Variants in ADCY8 observed in about 807,000 individuals in gnomAD.
ADCY8 encodes adenylate cyclase type 8.
ADCY8 carries 51 observed loss-of-function variants against 119.7 expected under a neutral mutation model. That is an observed-to-expected ratio of 0.43 (90% confidence interval 0.34 to 0.54). The LOEUF (loss-of-function observed/expected upper bound fraction) is 0.54. ADCY8 is among the 20% of genes least tolerant of loss of function. The pLI is 0.03. For missense variants in ADCY8, 1,383 were observed against 1,598.8 expected (o/e 0.87, Z 2.30); for synonymous variants, 665 against 651.0 (o/e 1.02, Z -0.33).
chr8:130,878,434 A>G (rs1818645495), intron 8 of ADCY8, among the ~76,000 whole-genome samples: 1 of 152,218 alleles, frequency 6.6e-6, no homozygotes, highest in Admixed American at 6.5e-5. Context: ...TCTTGGAGAC[A>G]TCTCCTCTAG....
At chr8:130,840,851 A>G (rs1029271065) in intron 11 of ADCY8, among the ~76,000 whole-genome samples, 1 of 152,178 alleles carries the variant, frequency 6.6e-6, no homozygotes, top group Admixed American at 6.6e-5. Flanking sequence ...GGTAGTGAGC[A>G]AAGTTCCCAG....
At chr8:130,976,548 T>C (rs1164650605) in intron 2 of ADCY8, among the ~76,000 whole-genome samples, 1 of 152,216 alleles carries the variant, frequency 6.6e-6, no homozygotes, top group Non-Finnish European at 1.5e-5. Context: ...AGCGAATTCT[T>C]AGTTTCTAAT....
At chr8:130,993,990 A>G (rs1006797986) in intron 1 of ADCY8, among the ~76,000 whole-genome samples, 5 of 152,226 alleles carry the variant, frequency 3.3e-5, no homozygotes, top group African/African-American at 1.2e-4. Flanking sequence ...ATGCTTCAGG[A>G]TCTTGATCCT....
chr8:130,803,520 A>G (rs1586428839), intron 14 of ADCY8, among the ~76,000 whole-genome samples: 1 of 152,238 alleles, frequency 6.6e-6, no homozygotes, highest in Non-Finnish European at 1.5e-5. Flanking sequence ...AGTCTGGTCC[A>G]AGGTAAATAC....
Position 131,040,247 on chromosome 8 carries a change from G to C in ADCY8, c.87C>G (p.Ser29Arg), listed in dbSNP as rs550028353. The C allele has an allele frequency of 1.3e-4, 201 of 1,549,072 alleles. No individual in the cohort carries two copies. In the African/African-American group the frequency reaches 1.4e-3, roughly 11 times the overall value. Residue 29 changes from serine to arginine, a missense_variant, in exon 1 of 18, where the codon AGC becomes AGG. Ser to Arg is a moderately radical substitution (Grantham distance 110). Around this residue, in one of 2 missense-constraint regions of ADCY8, gnomAD observed 455 missense variants for 435.3 expected, o/e 1.05. Coordinates refer to ENST00000286355, the MANE Select transcript of ADCY8 (RefSeq NM_001115.3). Reference sequence around the variant, plus strand: ...ACAGCAGCCGCTGCGGCCGGGAGGCGCTCCTGCCGTCGCCGGCCGGGGGCG... The same window carrying C: ...ACAGCAGCCGCTGCGGCCGGGAGGCCCTCCTGCCGTCGCCGGCCGGGGGCG... The part of the protein sequence containing the change: ...HPTPPAGDGR[S>R]ASRPQRLLWQ...
intron 16 of ADCY8, among the ~76,000 whole-genome samples, chr8:130,784,954 A>G (rs570400562): frequency 6.6e-6 from 1 of 152,332 alleles, no homozygotes; most frequent in South Asian, 2.1e-4. Context: ...GAAGGTAGAC[A>G]GTGTTGCCAT....
chr8:130,850,791 A>G (rs1244357323), intron 9 of ADCY8, among the ~76,000 whole-genome samples: 2 of 152,226 alleles, frequency 1.3e-5, no homozygotes, highest in Non-Finnish European at 2.9e-5. Flanking sequence ...TCCTAACACC[A>G]TCTCTTACTA....
chr8:130,941,204 G>A (rs1410466511), intron 4 of ADCY8, among the ~76,000 whole-genome samples: 1 of 152,122 alleles, frequency 6.6e-6, no homozygotes, highest in East Asian at 1.9e-4. Flanking sequence ...AAGTTCCCTA[G>A]GATGGCCTCT....
At chr8:130,938,323 A>G (rs1179406336) in intron 4 of ADCY8, among the ~76,000 whole-genome samples, 1 of 152,102 alleles carries the variant, frequency 6.6e-6, no homozygotes, top group African/African-American at 2.4e-5. Context: ...GCACTCAATT[A>G]ATATTGCCTC....
intron 2 of ADCY8, among the ~76,000 whole-genome samples, chr8:130,987,314 C>A (rs1313423371): frequency 6.6e-6 from 1 of 152,114 alleles, no homozygotes. Flanking sequence ...ACACTATTGC[C>A]ATACATGTCT....
intron 11 of ADCY8, among the ~76,000 whole-genome samples, chr8:130,841,673 C>T (rs1448475046): frequency 1.3e-5 from 2 of 152,178 alleles, no homozygotes; most frequent in African/African-American, 2.4e-5. Context: ...TGAGCATCTA[C>T]CCACATAAGT....
At chr8:130,853,605 C>A (rs902035077) in intron 9 of ADCY8, among the ~76,000 whole-genome samples, 6 of 147,150 alleles carry the variant, frequency 4.1e-5, no homozygotes, top group African/African-American at 1.5e-4. Flanking sequence ...TCTCATTTAG[C>A]GATTGAACTT....
intron 8 of ADCY8, among the ~76,000 whole-genome samples, chr8:130,874,351 AAAT>A (rs1412835907): frequency 2.7e-5 from 4 of 147,482 alleles, no homozygotes; most frequent in African/African-American, 1.1e-4. Flanking sequence ...ATAAATAAAT[AAAT>A]AAAATACACC....
chr8:130,909,768 A>G lies in ADCY8; in HGVS notation c.1580T>C (p.Phe527Ser). 2 of 1,614,116 alleles carry G rather than the reference A, an allele frequency of 1.2e-6. No individual in the cohort carries two copies. The highest frequency in any genetic ancestry group is 2.2e-5 in the East Asian group (1 of 44,874). The part of the protein sequence containing the change: ...CGVLGLRKWQ[F>S]DVWSWDVDIA... Reference sequence around the variant, plus strand: ...ATCCACATCCCAAGACCAGACATCAAACTGCCACTTCCTTAGTCCCAAAAC... The same window carrying G: ...ATCCACATCCCAAGACCAGACATCAGACTGCCACTTCCTTAGTCCCAAAAC... Residue 527 changes from phenylalanine to serine, a missense_variant, in exon 6 of 18, where the codon TTT (phenylalanine) becomes TCT (serine). By Grantham distance (155) the Phe-to-Ser change is radical. This residue lies in a region of ADCY8 where 928 missense variants were observed against 1,163.5 expected (regional missense o/e 0.80). Transcript: ENST00000286355.
intron 14 of ADCY8, among the ~76,000 whole-genome samples, chr8:130,808,230 G>C (rs950827762): frequency 1.3e-5 from 2 of 151,976 alleles, no homozygotes; most frequent in Non-Finnish European, 2.9e-5. Flanking sequence ...GGCCTTTGTT[G>C]TTTTTTCACT....
intron 5 of ADCY8, among the ~76,000 whole-genome samples, chr8:130,915,894 G>A (rs543381087): frequency 6.6e-6 from 1 of 152,288 alleles, no homozygotes; most frequent in South Asian, 2.1e-4. Flanking sequence ...TTACAATTTA[G>A]GCAGAATTGA....
In ADCY8 at chr8:130,898,485, C is replaced by G. The variant is rs1387534275; in HGVS notation, c.1911+5287G>C. Among the ~76,000 whole-genome samples, 5 of 145,918 alleles carry G rather than the reference C, an allele frequency of 3.4e-5. No homozygotes were observed. The Admixed American group carries it at 3.4e-4, about 10-fold the overall frequency. ...TAATTTCAAGATAACAAAAATGCCT[C>G]AAATCAGTCTATTGCATAGAAATGA... On this transcript the variant is annotated intron_variant, in intron 7 of 17. Coordinates refer to ENST00000286355, the MANE Select transcript of ADCY8 (RefSeq NM_001115.3).
intron 12 of ADCY8, among the ~76,000 whole-genome samples, chr8:130,828,677 CTT>C (rs1816739280): frequency 6.6e-6 from 1 of 152,178 alleles, no homozygotes; most frequent in Non-Finnish European, 1.5e-5. Context: ...AAAATTCTGT[CTT>C]CAACAATTAG....
rs150923493 is a variant in ADCY8, at chr8:130,970,528, A to T, written c.1111-18530T>A. Among the ~76,000 whole-genome samples, 1,090 of 152,298 alleles carry T rather than the reference A, an allele frequency of 7.2e-3. 18 individuals carry two copies. The highest frequency in any genetic ancestry group is 0.024 in the African/African-American group (1,010 of 41,554). ...ATATAATTATTTCATTACATATTAC[A>T]ATGTAATAATAGAAATAAAGCGCAT... On this transcript the variant is annotated intron_variant, in intron 2 of 17. Coordinates refer to ENST00000286355, the MANE Select transcript of ADCY8 (RefSeq NM_001115.3).
Sources: allele counts gnomAD v4.1 joint callset (sites outside exome capture counted in the v4.1 genomes callset), GRCh38; gene constraint gnomAD v4.1.1; regional missense constraint gnomAD v4.1.1; transcripts MANE v1.5; gene names NCBI Gene and HGNC (gene_info 2026-07-23, HGNC 2026-07-21).